Variants in FAM219A observed in about 807,000 individuals in gnomAD.
FAM219A encodes the protein protein FAM219A.
FAM219A carries 7 observed loss-of-function variants against 23.4 expected under a neutral mutation model. That is an observed-to-expected ratio of 0.30 (90% CI 0.17 to 0.56). The LOEUF (loss-of-function observed/expected upper bound fraction) is 0.56. Among genes scored for constraint, FAM219A ranks in the 20% least tolerant of loss-of-function variants. The pLI is 0.92. For synonymous variants in FAM219A, 93 were observed against 99.0 expected, an observed-to-expected ratio of 0.94 and a Z score of 0.36; for missense variants, 166 against 246.9, an observed-to-expected ratio of 0.67 and a Z score of 2.20.
intron 1 of FAM219A, among the ~76,000 whole-genome samples, chr9:34,423,330 A>G (rs1037912894): frequency 6.6e-6 from 1 of 152,200 alleles, no homozygotes; most frequent in Non-Finnish European, 1.5e-5. Context: ...GACTTCTCCA[A>G]AGAAAACTGA....
In FAM219A at chr9:34,417,018, TTCTTCCC is replaced by T. The variant is rs1256485485; in HGVS notation, c.61-11061_61-11055del. The stretch of plus-strand genomic sequence containing the variant: ...TTATCTTCTCCTTCTTCCTTCTTCC[TTCTTCCC>T]TCTTCCCTCCTCCTTCTTCCCCTTC... On this transcript the variant is annotated intron_variant, in intron 1 of 5. Transcript: ENST00000651358. The surrounding 1 kb of genome is among the most constrained non-coding windows in gnomAD (Gnocchi z 4.1). Among the ~76,000 whole-genome samples the T allele has an allele frequency of 2.0e-5, 3 of 151,394 alleles. No homozygotes were observed. The highest frequency in any genetic ancestry group is 1.3e-4 in the Admixed American group (2 of 15,232).
intron 1 of FAM219A, among the ~76,000 whole-genome samples, chr9:34,453,931 C>A (rs989143161): frequency 2.0e-5 from 3 of 152,230 alleles, no homozygotes; most frequent in African/African-American, 7.2e-5. Flanking sequence ...CTCAACCCAA[C>A]TGATCAACAG....
chr9:34,411,690 AAAAGAAAG>A (rs563890557), intron 1 of FAM219A, among the ~76,000 whole-genome samples: 6 of 106,596 alleles, frequency 5.6e-5, no homozygotes, highest in Admixed American at 9.8e-5. Context: ...AAAAAAAAAA[AAAAGAAAG>A]AAAGAAAGAA....
chr9:34,430,726 C>T (rs1822662894), intron 1 of FAM219A, among the ~76,000 whole-genome samples: 1 of 150,702 alleles, frequency 6.6e-6, no homozygotes, highest in African/African-American at 2.4e-5. Context: ...CCAGTAGTCC[C>T]AGCTACCCGG....
intron 1 of FAM219A, among the ~76,000 whole-genome samples, chr9:34,446,896 G>A (rs1823396190): frequency 6.6e-6 from 1 of 152,180 alleles, no homozygotes; most frequent in African/African-American, 2.4e-5. Flanking sequence ...GGCAGAGTAG[G>A]ATGATTACCT....
At chr9:34,450,513 G>A (rs1823528080) in intron 1 of FAM219A, among the ~76,000 whole-genome samples, 1 of 151,824 alleles carries the variant, frequency 6.6e-6, no homozygotes, top group African/African-American at 2.4e-5. Context: ...TCCACCTCCT[G>A]GGTTCAAGCA....
intron 1 of FAM219A, 91 bp from the exon 2 acceptor site, chr9:34,406,055 TC>T: frequency 7.8e-7 from 1 of 1,284,516 alleles, no homozygotes; most frequent in Admixed American, 2.3e-5. Context: ...CCACCTGCCC[TC>T]TGGGCTTCTG....
intron 1 of FAM219A, among the ~76,000 whole-genome samples, chr9:34,456,135 T>C (rs772794955): frequency 2.0e-5 from 3 of 152,180 alleles, no homozygotes; most frequent in Middle Eastern, 3.4e-3. Context: ...GGAGGTTGCA[T>C]TGGGCCAAGA....
chr9:34,430,636 C>CAAAAAAA (rs757627612), intron 1 of FAM219A, among the ~76,000 whole-genome samples: 2 of 56,272 alleles, frequency 3.6e-5, no homozygotes, highest in African/African-American at 6.7e-5. Flanking sequence ...GACTCCGTCT[C>CAAAAAAA]AAAAAAAAAA....
intron 2 of FAM219A, among the ~76,000 whole-genome samples, chr9:34,405,404 T>C (rs925584896): frequency 6.6e-6 from 1 of 152,190 alleles, no homozygotes; most frequent in Non-Finnish European, 1.5e-5. Context: ...CTCCCCCAGA[T>C]AGGTGCCAAC....
At chr9:34,445,891 T>A (rs1823350987) in intron 1 of FAM219A, among the ~76,000 whole-genome samples, 1 of 152,170 alleles carries the variant, frequency 6.6e-6, no homozygotes, top group Non-Finnish European at 1.5e-5. Flanking sequence ...GAATTAAAGA[T>A]AGGCTGGGTG....
chr9:34,455,761 A>T (rs2132026948), intron 1 of FAM219A, among the ~76,000 whole-genome samples: 1 of 152,294 alleles, frequency 6.6e-6, no homozygotes, highest in South Asian at 2.1e-4. Flanking sequence ...TCAACAATAC[A>T]CAGGGTATTT....
At chr9:34,431,896 G>C (rs557903748) in intron 1 of FAM219A, among the ~76,000 whole-genome samples, 1 of 152,218 alleles carries the variant, frequency 6.6e-6, no homozygotes, top group Non-Finnish European at 1.5e-5. Context: ...ATATGTGCAC[G>C]CATGTGTGAA....
chr9:34,428,530 T>C (rs532271144), intron 1 of FAM219A, among the ~76,000 whole-genome samples: 5 of 152,364 alleles, frequency 3.3e-5, no homozygotes, highest in Non-Finnish European at 5.9e-5. Context: ...GGGCCCTTGT[T>C]TGCAGCCAGC....
At chr9:34,450,692 A>G (rs1823534597) in intron 1 of FAM219A, among the ~76,000 whole-genome samples, 1 of 152,230 alleles carries the variant, frequency 6.6e-6, no homozygotes, top group South Asian at 2.1e-4. Flanking sequence ...CTGGGATTGC[A>G]GGCGTGAGCC....
chr9:34,449,741 G>T (rs1437985486), intron 1 of FAM219A, among the ~76,000 whole-genome samples: 2 of 152,214 alleles, frequency 1.3e-5, no homozygotes, highest in African/African-American at 4.8e-5. Flanking sequence ...AGGTTCTATA[G>T]TTAAATAAGC....
intron 1 of FAM219A, among the ~76,000 whole-genome samples, chr9:34,434,083 TC>T (rs1447944552): frequency 6.6e-6 from 1 of 151,172 alleles, no homozygotes; most frequent in African/African-American, 2.4e-5. Context: ...GCGTCTGTAG[TC>T]CCAGCTACTC....
chr9:34,444,045 C>G (rs1823280826), intron 1 of FAM219A, among the ~76,000 whole-genome samples: 1 of 152,210 alleles, frequency 6.6e-6, no homozygotes, highest in South Asian at 2.1e-4. Context: ...TACCACTTCC[C>G]CATATCATTA....
chr9:34,416,260 GGGGA>G (rs1252309714), intron 1 of FAM219A, among the ~76,000 whole-genome samples: 2 of 77,158 alleles, frequency 2.6e-5, no homozygotes, highest in Non-Finnish European at 2.6e-5. Flanking sequence ...AGAAAGAAAG[GGGGA>G]GGGAGGGAGG....
Sources: gnomAD v4.1 joint callset for allele counts (sites outside exome capture counted in the v4.1 genomes callset) on GRCh38, gnomAD v4.1.1 for gene constraint, Gnocchi (gnomAD v3.1) non-coding constraint, MANE v1.5 for transcripts, NCBI Gene and HGNC (gene_info 2026-07-23, HGNC 2026-07-21) for gene names.